Variants in MALRD1 observed in about 807,000 individuals in gnomAD.
The protein encoded by MALRD1 is MAM and LDL-receptor class A domain-containing protein 1.
In MALRD1, 247 loss-of-function variants were observed where a neutral mutation model predicts 242.1. The observed-to-expected ratio is 1.02, with a 90% CI of 0.92 to 1.13. The LOEUF is 1.13. Among genes scored for constraint, MALRD1 ranks in the 50% most tolerant of loss-of-function variants. MALRD1 has a pLI of 0.00. For missense variants in MALRD1, 2,989 were observed against 2,533.1 expected, an observed-to-expected ratio of 1.18 and a Z score of -3.86; for synonymous variants, 995 against 866.6, an observed-to-expected ratio of 1.15 and a Z score of -2.60.
chr10:19,540,515 A>G (rs1277359618), intron 32 of MALRD1, among the ~76,000 whole-genome samples: 4 of 152,242 alleles, frequency 2.6e-5, no homozygotes, highest in East Asian at 1.9e-4. Context: ...AATAGAGGAA[A>G]TGCGTTGATA....
chr10:19,397,756 T>C (rs183749251), intron 28 of MALRD1, among the ~76,000 whole-genome samples: 2 of 152,272 alleles, frequency 1.3e-5, no homozygotes, highest in Admixed American at 1.3e-4. Flanking sequence ...ATACTATTTT[T>C]GCTTTTGTTG....
intron 5 of MALRD1, among the ~76,000 whole-genome samples, chr10:19,110,012 A>G (rs1304885065): frequency 6.6e-6 from 1 of 152,168 alleles, no homozygotes; most frequent in African/African-American, 2.4e-5. Flanking sequence ...CTGGGGAGAC[A>G]GGGCAGTAAA....
At position 19,169,951 on chromosome 10, in the gene MALRD1, G is replaced by A. The variant is rs58605140; in HGVS notation, c.1830+4141G>A. Among the ~76,000 whole-genome samples, 674 of 152,242 alleles carry A rather than the reference G, an allele frequency of 4.4e-3. 7 individuals carry two copies. The highest frequency in any genetic ancestry group is 0.015 in the African/African-American group (642 of 41,534). On this transcript the variant is annotated intron_variant, in intron 13 of 39. Transcript: ENST00000454679. ...GGAAAGAAGAAAGACATCAAATCAT[G>A]TGACCTCTGTGTTCCCTTTTAGCCA...
intron 18 of MALRD1, among the ~76,000 whole-genome samples, chr10:19,239,184 GAGTAGCTGGGGTTAC>G: frequency 6.6e-6 from 1 of 151,878 alleles, no homozygotes; most frequent in East Asian, 1.9e-4. Flanking sequence ...TCAGCCTGCT[GAGTAGCTGGGGTTAC>G]AGGCACACGC....
chr10:19,509,117 A>G (rs1414757544), intron 31 of MALRD1, among the ~76,000 whole-genome samples: 1 of 152,198 alleles, frequency 6.6e-6, no homozygotes, highest in African/African-American at 2.4e-5. Flanking sequence ...AACAAAGTAT[A>G]TCCTAATAAT....
intron 19 of MALRD1, among the ~76,000 whole-genome samples, chr10:19,262,589 G>T (rs557861331): frequency 6.6e-6 from 1 of 150,528 alleles, no homozygotes; most frequent in African/African-American, 2.4e-5. Context: ...CTGGGAGGTG[G>T]AAGTTGCAGT....
At chr10:19,605,850 T>G (rs1838593605) in intron 34 of MALRD1, among the ~76,000 whole-genome samples, 1 of 152,084 alleles carries the variant, frequency 6.6e-6, no homozygotes, top group African/African-American at 2.4e-5. Flanking sequence ...CATGTATGAT[T>G]CTGGTCATTC....
At chr10:19,106,449 T>C (rs1462492537) in intron 5 of MALRD1, among the ~76,000 whole-genome samples, 20 of 151,870 alleles carry the variant, frequency 1.3e-4, no homozygotes, top group Admixed American at 1.3e-3. Context: ...ATAATGGTCT[T>C]TTATCCTTTG....
At chr10:19,343,878 A>G (rs1040228177) in intron 24 of MALRD1, among the ~76,000 whole-genome samples, 4 of 152,114 alleles carry the variant, frequency 2.6e-5, no homozygotes, top group African/African-American at 9.6e-5. Flanking sequence ...CTGAGGAGTA[A>G]TATCTCACCA....
At chr10:19,702,334 A>G (rs1166097378) in intron 38 of MALRD1, among the ~76,000 whole-genome samples, 1 of 152,170 alleles carries the variant, frequency 6.6e-6, no homozygotes, top group African/African-American at 2.4e-5. Context: ...GCATATGACT[A>G]TTCATGCCCT....
chr10:19,730,550 T>TAAAAAAC (rs1835246095), intron 38 of MALRD1, 156 bp from the exon 39 acceptor site: 1 of 845,876 alleles, frequency 1.2e-6, no homozygotes, highest in South Asian at 1.5e-5. Context: ...AAATAAAAAA[T>TAAAAAAC]AAAAAACAAA....
intron 5 of MALRD1, among the ~76,000 whole-genome samples, chr10:19,112,013 G>C (rs1438323488): frequency 1.3e-5 from 2 of 152,142 alleles, no homozygotes; most frequent in East Asian, 3.9e-4. Flanking sequence ...CTCTAGCCAA[G>C]TTCAGGCACT....
At chr10:19,192,451 A>C (rs552589106) in intron 14 of MALRD1, among the ~76,000 whole-genome samples, 1 of 152,358 alleles carries the variant, frequency 6.6e-6, no homozygotes, top group Non-Finnish European at 1.5e-5. Context: ...ACATGAAAAG[A>C]TATGACAGGT....
intron 14 of MALRD1, among the ~76,000 whole-genome samples, chr10:19,189,654 C>T (rs955807070): frequency 6.6e-6 from 1 of 151,838 alleles, no homozygotes; most frequent in Non-Finnish European, 1.5e-5. Flanking sequence ...ATGGTTCAAC[C>T]TAGGAATATC....
At chr10:19,425,088 A>G (rs925451513) in intron 28 of MALRD1, among the ~76,000 whole-genome samples, 1 of 152,202 alleles carries the variant, frequency 6.6e-6, no homozygotes, top group Non-Finnish European at 1.5e-5. Flanking sequence ...CAGATCATTA[A>G]AAAGTGCTTG....
intron 18 of MALRD1, among the ~76,000 whole-genome samples, chr10:19,247,816 T>C (rs1186326436): frequency 6.6e-6 from 1 of 152,046 alleles, no homozygotes; most frequent in Admixed American, 6.6e-5. Flanking sequence ...TTAACAGCAT[T>C]AATTTTGTTA....
At chr10:19,508,651 A>T (rs545066282) in intron 31 of MALRD1, among the ~76,000 whole-genome samples, 35 of 152,348 alleles carry the variant, frequency 2.3e-4, no homozygotes, top group Admixed American at 2.1e-3. Flanking sequence ...ATAAAATATT[A>T]TACTAGGAGG....
intron 19 of MALRD1, among the ~76,000 whole-genome samples, chr10:19,277,251 C>G (rs904016411): frequency 6.6e-6 from 1 of 152,102 alleles, no homozygotes; most frequent in Non-Finnish European, 1.5e-5. Context: ...TCCCTAAAAA[C>G]TGACTCCTCT....
At chr10:19,100,852 A>G (rs1434427002) in intron 4 of MALRD1, among the ~76,000 whole-genome samples, 1 of 152,074 alleles carries the variant, frequency 6.6e-6, no homozygotes, top group Non-Finnish European at 1.5e-5. Context: ...GTTAACACTT[A>G]CTTCTACTTC....
Sources: gnomAD v4.1 joint callset for allele counts (sites outside exome capture counted in the v4.1 genomes callset) on GRCh38, gnomAD v4.1.1 for gene constraint, MANE v1.5 for transcripts, NCBI Gene and HGNC (gene_info 2026-07-23, HGNC 2026-07-21) for gene names.